Variants in GSE1 observed in about 807,000 individuals in gnomAD.
GSE1 encodes the protein Gse1 coiled-coil protein.
GSE1 carries 32 observed loss-of-function variants against 112.6 expected under a neutral mutation model. The ratio of observed to expected loss-of-function variants is 0.28; its 90% CI spans 0.21 to 0.38. The LOEUF (loss-of-function observed/expected upper bound fraction) is 0.38, where lower values mean the gene tolerates loss of function less well. Among genes scored for constraint, GSE1 ranks in the 10% least tolerant of loss-of-function variants. GSE1 has a pLI of 1.00. For synonymous variants in GSE1, 1,115 were observed against 735.6 expected (o/e 1.52, Z -8.35); for missense variants, 2,348 against 1,699.2 (o/e 1.38, Z -6.71).
intron 2 of GSE1, among the ~76,000 whole-genome samples, chr16:85,408,551 G>C (rs866484859): frequency 7.1e-4 from 22 of 31,132 alleles, no homozygotes; most frequent in African/African-American, 2.6e-3. Context: ...TACACTCAGG[G>C]CCCCCCGGAT....
At chr16:85,388,316 AT>A (rs1465224986) in intron 2 of GSE1, among the ~76,000 whole-genome samples, 1 of 87,760 alleles carries the variant, frequency 1.1e-5, no homozygotes. Context: ...GGATGGATGG[AT>A]GGATGGATGG....
intron 15 of GSE1, 152 bp downstream of exon 15, chr16:85,671,250 C>T (rs924345137): frequency 2.0e-6 from 1 of 511,950 alleles, no homozygotes; most frequent in African/African-American, 2.0e-5. Flanking sequence ...ACCATCCCGG[C>T]TAAAACGGTG....
At chr16:85,581,373 G>A (rs73269283) in intron 1 of GSE1, among the ~76,000 whole-genome samples, 5,999 of 152,296 alleles carry the variant, frequency 0.039, 370 homozygotes, top group African/African-American at 0.13. Context: ...CGTACTGCAC[G>A]GTGTCCCTGG....
chr16:85,244,080 T>C (rs915111266), intron 1 of GSE1, among the ~76,000 whole-genome samples: 2 of 152,050 alleles, frequency 1.3e-5, no homozygotes, highest in African/African-American at 4.8e-5. Flanking sequence ...GAGCGGAGAT[T>C]GCACCATTGC....
At chr16:85,480,065 C>T (rs2050623500) in intron 2 of GSE1, among the ~76,000 whole-genome samples, 1 of 152,202 alleles carries the variant, frequency 6.6e-6, no homozygotes, top group South Asian at 2.1e-4. Flanking sequence ...CGGTCCCCAG[C>T]ACTTGGTTGA....
intron 2 of GSE1, among the ~76,000 whole-genome samples, chr16:85,402,130 TC>T (rs932653951): frequency 1.3e-5 from 2 of 152,180 alleles, no homozygotes; most frequent in African/African-American, 4.8e-5. Flanking sequence ...GTGCCGTTTG[TC>T]CCGGAACGCA....
At chr16:85,230,832 T>TGG (rs1212481383) in intron 1 of GSE1, among the ~76,000 whole-genome samples, 10 of 148,256 alleles carry the variant, frequency 6.7e-5, no homozygotes, top group African/African-American at 2.5e-4. Context: ...TGTGGAAGAC[T>TGG]AGATGGATGG....
chr16:85,576,317 T>G (rs1197821526), intron 1 of GSE1, among the ~76,000 whole-genome samples: 2 of 152,244 alleles, frequency 1.3e-5, no homozygotes, highest in African/African-American at 2.4e-5. Context: ...AACTGGAATT[T>G]GAAAATAAAT....
At chr16:85,278,092 A>G (rs966715778) in intron 1 of GSE1, among the ~76,000 whole-genome samples, 1 of 152,266 alleles carries the variant, frequency 6.6e-6, no homozygotes, top group Non-Finnish European at 1.5e-5. Flanking sequence ...GGTCACGGGC[A>G]TGGCCCCGTT....
chr16:85,485,188 A>ACAGCCTGTGCCCGGAGATAGG (rs1257953624), intron 2 of GSE1, among the ~76,000 whole-genome samples: 1 of 152,248 alleles, frequency 6.6e-6, no homozygotes, highest in Non-Finnish European at 1.5e-5. Context: ...AAGTGGAGCG[A>ACAGCCTGTGCCCGGAGATAGG]CAGCCTGTGC....
chr16:85,275,092 A>G (rs1909223535), intron 1 of GSE1, among the ~76,000 whole-genome samples: 1 of 152,194 alleles, frequency 6.6e-6, no homozygotes, highest in Non-Finnish European at 1.5e-5. Flanking sequence ...GCCAGGGAGC[A>G]TGACATGGAG....
At chr16:85,339,608 A>T (rs1217807237) in intron 1 of GSE1, among the ~76,000 whole-genome samples, 1 of 84,758 alleles carries the variant, frequency 1.2e-5, no homozygotes, top group Admixed American at 1.6e-4. Flanking sequence ...CTTTCCGTGG[A>T]TGTGCGGAGG....
intron 2 of GSE1, among the ~76,000 whole-genome samples, chr16:85,457,670 G>A (rs1192001968): frequency 6.6e-6 from 1 of 152,240 alleles, no homozygotes; most frequent in Non-Finnish European, 1.5e-5. Flanking sequence ...TCATGCCCCA[G>A]GAAGGAGACT....
At chr16:85,261,689 G>A (rs1265624014) in intron 1 of GSE1, among the ~76,000 whole-genome samples, 1 of 152,198 alleles carries the variant, frequency 6.6e-6, no homozygotes, top group East Asian at 1.9e-4. Flanking sequence ...TGTCCACAGG[G>A]CCCAGCAGAT....
At chr16:85,627,867 C>T (rs1171788324) in intron 1 of GSE1, among the ~76,000 whole-genome samples, 2 of 152,354 alleles carry the variant, frequency 1.3e-5, no homozygotes, top group South Asian at 4.1e-4. Flanking sequence ...CTCCCTCTCC[C>T]CGCCATCCCT....
At chr16:85,191,847 T>C (rs1312990083) in intron 1 of GSE1, among the ~76,000 whole-genome samples, 1 of 151,942 alleles carries the variant, frequency 6.6e-6, no homozygotes, top group Admixed American at 6.6e-5. Context: ...CCTGACACCA[T>C]GACGGATAGA....
Position 85,425,431 on chromosome 16 carries a change from C to T in GSE1, c.2464+67788C>T, listed in dbSNP as rs565962246. Among the ~76,000 whole-genome samples the T allele has an allele frequency of 1.3e-4, 20 of 152,176 alleles. 1 individual carries two copies. The highest frequency in any genetic ancestry group is 4.1e-4 in the African/African-American group (17 of 41,524). On this transcript the variant is annotated intron_variant, in intron 2 of 2. Coordinates refer to the GSE1 transcript ENST00000637419. ...CTGACCTTGGAGGCAGGTGTGCTGC[C>T]GGGCTGGAGCTGCGAGTGTCAGGGG...
chr16:85,522,114 A>G (rs1042628212), intron 2 of GSE1, among the ~76,000 whole-genome samples: 6 of 152,310 alleles, frequency 3.9e-5, no homozygotes, highest in Admixed American at 2.0e-4. Flanking sequence ...TAAGGATTTA[A>G]TGAGACATTC....
At chr16:85,520,428 A>ATT (rs376118011) in intron 2 of GSE1, among the ~76,000 whole-genome samples, 8 of 142,824 alleles carry the variant, frequency 5.6e-5, no homozygotes, top group South Asian at 2.2e-4. Context: ...CCCTGCTCCT[A>ATT]TTTTTTTTTT....
Sources: allele counts gnomAD v4.1 joint callset (sites outside exome capture counted in the v4.1 genomes callset), GRCh38; gene constraint gnomAD v4.1.1; transcripts MANE v1.5; gene names NCBI Gene and HGNC (gene_info 2026-07-23, HGNC 2026-07-21).